The following CDK7 variants were observed in gnomAD, a reference collection of about 807,000 sequenced individuals.
The protein encoded by CDK7 is cyclin-dependent kinase 7.
A neutral mutation model predicts 49.1 loss-of-function variants in CDK7; 25 were observed. The ratio of observed to expected loss-of-function variants is 0.51; its 90% CI spans 0.37 to 0.71. CDK7 has a LOEUF of 0.71. Ranked by LOEUF, CDK7 falls within the 30% of genes least tolerant of loss-of-function variation. The pLI, the probability that CDK7 is intolerant of heterozygous loss-of-function variation, is 0.00. For missense variants in CDK7, 316 were observed against 411.7 expected (o/e 0.77, Z 2.01); for synonymous variants, 107 against 140.0 (o/e 0.76, Z 1.67).
chr5:69,237,258 G>T (rs528218292), intron 2 of CDK7, among the ~76,000 whole-genome samples: 1 of 152,172 alleles, frequency 6.6e-6, no homozygotes, highest in South Asian at 2.1e-4. Context: ...ATGCCACCAA[G>T]CCTGGCCTAG....
chr5:69,269,178 T>G lies in CDK7; in HGVS notation c.628-29T>G, dbSNP rs563590813. 9.7e-5 allele frequency: 141 copies of G among 1,446,222 alleles called. 2 individuals are homozygous for G. The South Asian group carries it at 1.6e-3, about 17-fold the overall frequency. The allele number at this position is 1,446,222 out of a possible 1,614,324, so 89.6% of individuals were successfully genotyped here. On this transcript the variant is annotated intron_variant, in intron 8 of 11. Transcript: ENST00000256443. ...AAAATTAAAAAAAAAAAACCCACCT[T>G]GAAAAGTCTCCCTCTTACTTTCTTT... is the stretch of plus-strand genomic sequence containing the variant.
chr5:69,243,667 C>T (rs1474450903), intron 2 of CDK7, among the ~76,000 whole-genome samples: 2 of 151,788 alleles, frequency 1.3e-5, no homozygotes, highest in African/African-American at 4.8e-5. Flanking sequence ...ATTTCCATGA[C>T]GAATGTCATT....
At chr5:69,256,286 G>T (rs1435281051) in intron 5 of CDK7, among the ~76,000 whole-genome samples, 1 of 152,078 alleles carries the variant, frequency 6.6e-6, no homozygotes, top group Non-Finnish European at 1.5e-5. Context: ...AAAAAATAAA[G>T]AAACTTATTT....
intron 8 of CDK7, among the ~76,000 whole-genome samples, chr5:69,262,977 A>G (rs1209123773): frequency 1.3e-5 from 2 of 152,212 alleles, no homozygotes; most frequent in East Asian, 3.8e-4. Flanking sequence ...TAGGAAATGT[A>G]TAATACCAAC....
intron 9 of CDK7, among the ~76,000 whole-genome samples, chr5:69,271,221 G>C (rs1291790959): frequency 6.6e-6 from 1 of 152,074 alleles, no homozygotes; most frequent in African/African-American, 2.4e-5. Flanking sequence ...ATGGTTAATG[G>C]TGTTGAATAT....
In CDK7 at chr5:69,238,717, C is replaced by T. The variant is rs145445283; in HGVS notation, c.126+3264C>T. 1.7e-3 allele frequency among the ~76,000 whole-genome samples: 253 copies of T among 149,814 alleles called. 2 individuals carry two copies. Among genetic ancestry groups the T allele is most frequent in the African/African-American group, 6.0e-3 (244 of 40,550 alleles). The stretch of plus-strand genomic sequence containing the variant: ...TGTCGCACAGGCTGGAGTGCAGTGG[C>T]GTGATCTCGGCTCACTGCAACCTCC... On this transcript the variant is annotated intron_variant, in intron 2 of 11. Coordinates refer to ENST00000256443, the MANE Select transcript of CDK7 (RefSeq NM_001799.4).
At chr5:69,238,020 C>T (rs1440276355) in intron 2 of CDK7, among the ~76,000 whole-genome samples, 1 of 152,136 alleles carries the variant, frequency 6.6e-6, no homozygotes, top group African/African-American at 2.4e-5. Flanking sequence ...ATTTCTACTC[C>T]CGTTCATTTG....
chr5:69,253,335 G>C (rs1240559254), intron 3 of CDK7, among the ~76,000 whole-genome samples: 1 of 151,994 alleles, frequency 6.6e-6, no homozygotes, highest in Non-Finnish European at 1.5e-5. Context: ...CGCAATCTCG[G>C]CTCACTGCAA....
intron 8 of CDK7, among the ~76,000 whole-genome samples, chr5:69,263,629 A>C (rs911625755): frequency 6.6e-6 from 1 of 152,226 alleles, no homozygotes; most frequent in African/African-American, 2.4e-5. Context: ...GGAAGGTAAT[A>C]TGGGAATCAC....
At chr5:69,263,857 A>G (rs535482925) in intron 8 of CDK7, among the ~76,000 whole-genome samples, 22 of 152,336 alleles carry the variant, frequency 1.4e-4, no homozygotes, top group African/African-American at 5.3e-4. Flanking sequence ...CAGGTTAGAG[A>G]TTGTGGACCT....
At chr5:69,248,472 C>T (rs1262003110) in intron 2 of CDK7, among the ~76,000 whole-genome samples, 1 of 152,068 alleles carries the variant, frequency 6.6e-6, no homozygotes, top group Non-Finnish European at 1.5e-5. Flanking sequence ...ACCGCAACCT[C>T]CTCCTCCCGG....
chr5:69,252,405 C>G lies in CDK7; in HGVS notation c.127-13C>G, dbSNP rs753513997. The G allele has an allele frequency of 5.0e-5, 76 of 1,516,326 alleles. No homozygotes were observed. The highest frequency in any genetic ancestry group is 4.9e-5 in the Non-Finnish European group (55 of 1,115,564). 93.9% of individuals were successfully genotyped at this position (1,516,326 alleles called of 1,614,324 possible). ...ATTTTTAATATATTTGGGTTTTTTT[C>G]CGTTTCTACCAGATCAAACTTGGAC... On this transcript the variant is annotated splice_polypyrimidine_tract_variant and intron_variant, in intron 2 of 11. Transcript: ENST00000256443.
intron 7 of CDK7, among the ~76,000 whole-genome samples, chr5:69,260,318 C>G (rs1486276618): frequency 6.6e-6 from 1 of 152,040 alleles, no homozygotes; most frequent in Non-Finnish European, 1.5e-5. Flanking sequence ...CCACCGCACT[C>G]CAGCCTGGGC....
At chr5:69,274,444 G>A (rs1751898263) in intron 10 of CDK7, among the ~76,000 whole-genome samples, 1 of 152,104 alleles carries the variant, frequency 6.6e-6, no homozygotes, top group Admixed American at 6.5e-5. Flanking sequence ...AGCCCAGCCT[G>A]GGCAACATGA....
chr5:69,271,981 G>C (rs761985860), intron 9 of CDK7, among the ~76,000 whole-genome samples: 1 of 151,538 alleles, frequency 6.6e-6, no homozygotes, highest in East Asian at 1.9e-4. Context: ...GGTTGGAGTG[G>C]GGTCTCACTT....
In CDK7 at chr5:69,234,933, G is replaced by A. The variant is rs750705848; in HGVS notation, c.-43G>A. On this transcript the variant is annotated 5_prime_UTR_variant, in exon 1 of 12. Transcript: ENST00000256443. ...GTAGCTTTAAATTCGTGTTGTCCTG[G>A]GAGCTCGCCCTTTTCGGCTGGAGTC... 3.9e-6 allele frequency: 6 copies of A among 1,557,364 alleles called. No homozygotes were observed. The highest frequency in any genetic ancestry group is 2.6e-6 in the Non-Finnish European group (3 of 1,146,964).
At chr5:69,261,524 G>GTGTGTGTGTGTGTGTGTC (rs150544036) in intron 7 of CDK7, among the ~76,000 whole-genome samples, 1 of 86,596 alleles carries the variant, frequency 1.2e-5, no homozygotes, top group Non-Finnish European at 3.1e-5. Context: ...GTGTGTGTGT[G>GTGTGTGTGTGTGTGTGTC]TATGTGTGTG....
In CDK7 at chr5:69,235,015, A is replaced by G; in HGVS notation, c.40A>G (p.Lys14Glu). The G allele has an allele frequency of 6.2e-7, 1 of 1,604,430 alleles. No individual in the cohort carries two copies. The highest frequency in any genetic ancestry group is 8.5e-7 in the Non-Finnish European group (1 of 1,175,842). The change falls in exon 1 of 12, where the codon AAG (lysine) becomes GAG (glutamate). Residue 14 changes from lysine (K) to glutamate (E), a missense_variant. By Grantham distance (56) the Lys-to-Glu change is moderately conservative (BLOSUM62 1). Coordinates refer to ENST00000256443, the MANE Select transcript of CDK7 (RefSeq NM_001799.4). The part of the protein sequence containing the change: ...DVKSRAKRYE[K>E]LDFLGEGQFA... ...GAAGTCTCGGGCAAAGCGTTATGAG[A>G]AGCTGGACTTCCTTGGGGAGGGACA...
intron 8 of CDK7, among the ~76,000 whole-genome samples, chr5:69,268,220 T>C (rs977523403): frequency 8.5e-5 from 13 of 152,134 alleles, no homozygotes; most frequent in Non-Finnish European, 1.6e-4. Context: ...AGGTGCTCTT[T>C]CCATGTGGTC....
Sources: gnomAD v4.1 joint callset for allele counts (sites outside exome capture counted in the v4.1 genomes callset) on GRCh38, gnomAD v4.1.1 for gene constraint, MANE v1.5 for transcripts, NCBI Gene and HGNC (gene_info 2026-07-23, HGNC 2026-07-21) for gene names.